Variants in TLL2 observed in about 807,000 individuals in gnomAD.
The protein encoded by TLL2 is tolloid like 2.
In TLL2, 106 loss-of-function variants were observed where a neutral mutation model predicts 123.0. That is an observed-to-expected ratio of 0.86 (90% confidence interval 0.74 to 1.01). The LOEUF (loss-of-function observed/expected upper bound fraction) is 1.01. TLL2 is among the 50% of genes least tolerant of loss of function. The pLI is 0.00. For synonymous variants in TLL2, 494 were observed against 516.8 expected, an observed-to-expected ratio of 0.96 and a Z score of 0.60; for missense variants, 1,332 against 1,336.7, an observed-to-expected ratio of 1.00 and a Z score of 0.06.
chr10:96,433,753 T>C (rs2134081549), intron 3 of TLL2, among the ~76,000 whole-genome samples: 1 of 152,298 alleles, frequency 6.6e-6, no homozygotes, highest in Middle Eastern at 3.4e-3. Context: ...TCAGGTTTTG[T>C]TTTTGCAGAC....
At chr10:96,410,267 G>C in intron 9 of TLL2, 92 bp downstream of exon 9, 2 of 889,996 alleles carry the variant, frequency 2.2e-6, no homozygotes, top group South Asian at 3.2e-5. Context: ...TAACCGAACA[G>C]CTGTTATTTT....
chr10:96,437,322 G>T (rs1230684539), intron 3 of TLL2, among the ~76,000 whole-genome samples: 1 of 152,010 alleles, frequency 6.6e-6, no homozygotes, highest in Non-Finnish European at 1.5e-5. Flanking sequence ...GTAACATTTT[G>T]CAAAACTACA....
intron 10 of TLL2, among the ~76,000 whole-genome samples, chr10:96,404,119 C>T (rs996290674): frequency 5.9e-5 from 9 of 151,902 alleles, no homozygotes; most frequent in East Asian, 1.9e-4. Context: ...AGACCGGTGC[C>T]GATGCAGGTC....
chr10:96,398,091 G>T (rs1157666771), intron 10 of TLL2, among the ~76,000 whole-genome samples: 1 of 152,142 alleles, frequency 6.6e-6, no homozygotes, highest in African/African-American at 2.4e-5. Flanking sequence ...CAGACATTTG[G>T]CCCTGAGACA....
Position 96,477,807 on chromosome 10 carries a change from A to C in TLL2, c.286+2542T>G, listed in dbSNP as rs554082035. Among the ~76,000 whole-genome samples the C allele has an allele frequency of 3.9e-5, 6 of 152,200 alleles. No individual in the cohort carries two copies. In the South Asian group the frequency reaches 1.2e-3, roughly 32 times the overall value. On this transcript the variant is annotated intron_variant, in intron 2 of 20. Transcript: ENST00000357947. ...CACTCTCACCACCCTTCTGGGAGCAAAGCCCTGCTGAGGCTCTGGATCTCT... is the reference window on the plus strand; with the variant it reads ...CACTCTCACCACCCTTCTGGGAGCACAGCCCTGCTGAGGCTCTGGATCTCT...
In TLL2 at chr10:96,502,325, C is replaced by T. The variant is rs138823761; in HGVS notation, c.175+11186G>A. ...TCCTAAGCAGGTCTGATCTTGCAAA[C>T]GTGATCACACATGAGTTTGAGAAAG... On this transcript the variant is annotated intron_variant, in intron 1 of 20. Coordinates refer to ENST00000357947, the MANE Select transcript of TLL2 (RefSeq NM_012465.4). Among the ~76,000 whole-genome samples the T allele has an allele frequency of 8.6e-3, 1,312 of 152,274 alleles. 6 individuals are homozygous for T. The highest frequency in any genetic ancestry group is 0.015 in the Non-Finnish European group (999 of 68,032).
In TLL2 at chr10:96,408,749, G is replaced by A. The variant is rs138455656; in HGVS notation, c.1164+1610C>T. Among the ~76,000 whole-genome samples the A allele has an allele frequency of 7.2e-5, 11 of 152,284 alleles. No homozygotes were observed. In the East Asian group the frequency reaches 1.7e-3, roughly 24 times the overall value. ...CATTCATGTATGTATATAAATGCACGTTAAAATGTCTATCTACTAGCCTGG... is the reference window on the plus strand; with the variant it reads ...CATTCATGTATGTATATAAATGCACATTAAAATGTCTATCTACTAGCCTGG... On this transcript the variant is annotated intron_variant, in intron 9 of 20. Transcript: ENST00000357947.
At chr10:96,394,949 T>C (rs1283940125) in intron 13 of TLL2, among the ~76,000 whole-genome samples, 1 of 152,254 alleles carries the variant, frequency 6.6e-6, no homozygotes. Flanking sequence ...TGTAAACTTA[T>C]TAGATCTAAT....
intron 2 of TLL2, among the ~76,000 whole-genome samples, chr10:96,468,093 A>G (rs1284824254): frequency 1.3e-5 from 2 of 152,138 alleles, no homozygotes; most frequent in Non-Finnish European, 2.9e-5. Context: ...TCACTCGCCC[A>G]TCACCTCCCC....
chr10:96,407,932 CTG>C (rs1440867343), intron 9 of TLL2, among the ~76,000 whole-genome samples: 2 of 152,218 alleles, frequency 1.3e-5, no homozygotes, highest in Non-Finnish European at 1.5e-5. Flanking sequence ...TCAAACTAGA[CTG>C]TGTTTTTCGA....
At position 96,488,294 on chromosome 10, in the gene TLL2, C is replaced by T. The variant is rs190509651; in HGVS notation, c.176-7835G>A. On this transcript the variant is annotated intron_variant, in intron 1 of 20. Coordinates refer to ENST00000357947, the MANE Select transcript of TLL2 (RefSeq NM_012465.4). ...ATCCCTTTGGGAGGCACTGACTTAG[C>T]GCTTGCGTGCCCAGCCCAGGGCAGC... 2.0e-3 allele frequency among the ~76,000 whole-genome samples: 307 copies of T among 152,330 alleles called. 2 individuals are homozygous for T. The highest frequency in any genetic ancestry group is 0.014 in the Middle Eastern group (4 of 294).
At chr10:96,484,719 A>G (rs1847341805) in intron 1 of TLL2, among the ~76,000 whole-genome samples, 1 of 152,154 alleles carries the variant, frequency 6.6e-6, no homozygotes, top group Non-Finnish European at 1.5e-5. Flanking sequence ...TTATGGAGCA[A>G]TGAAGAACCA....
At chr10:96,379,559 TG>T (rs1300571962) in intron 16 of TLL2, among the ~76,000 whole-genome samples, 1 of 152,166 alleles carries the variant, frequency 6.6e-6, no homozygotes, top group East Asian at 1.9e-4. Context: ...TGGTGGCTCA[TG>T]CCTGTAATCC....
At chr10:96,467,452 C>G (rs1341962423) in intron 2 of TLL2, among the ~76,000 whole-genome samples, 1 of 152,110 alleles carries the variant, frequency 6.6e-6, no homozygotes. Flanking sequence ...AGGCTGGTCT[C>G]AAACTCCTGG....
Position 96,460,261 on chromosome 10 carries a change from T to G in TLL2, c.287-14093A>C, listed in dbSNP as rs181022555. Among the ~76,000 whole-genome samples, 12 of 152,278 alleles carry G rather than the reference T, an allele frequency of 7.9e-5. No individual in the cohort carries two copies. In the East Asian group the frequency reaches 1.9e-3, roughly 24 times the overall value. On this transcript the variant is annotated intron_variant, in intron 2 of 20. Coordinates refer to ENST00000357947, the MANE Select transcript of TLL2 (RefSeq NM_012465.4). The stretch of plus-strand genomic sequence containing the variant: ...CAATAGACGTATGGAGAGGGGAAAT[T>G]GGCAAACACTTCACAGAAGAAATTC...
intron 1 of TLL2, among the ~76,000 whole-genome samples, chr10:96,503,339 T>A (rs1379197330): frequency 6.6e-6 from 1 of 152,160 alleles, no homozygotes; most frequent in Non-Finnish European, 1.5e-5. Context: ...TGCTAAACAC[T>A]TCGTGTTCAC....
chr10:96,463,666 G>A (rs904418619), intron 2 of TLL2, among the ~76,000 whole-genome samples: 3 of 152,330 alleles, frequency 2.0e-5, no homozygotes, highest in Admixed American at 1.3e-4. Flanking sequence ...GCTGTGACAA[G>A]GGCATGCTGG....
intron 16 of TLL2, among the ~76,000 whole-genome samples, chr10:96,380,978 CAAAA>C (rs758416966): frequency 2.9e-5 from 3 of 102,548 alleles, no homozygotes; most frequent in East Asian, 2.6e-4. Flanking sequence ...ACTCTGTCTC[CAAAA>C]AAAAAAAAAA....
At chr10:96,476,245 A>AT (rs1554939643) in intron 2 of TLL2, among the ~76,000 whole-genome samples, 1 of 53,902 alleles carries the variant, frequency 1.9e-5, no homozygotes, top group African/African-American at 7.0e-5. Context: ...TATATATTTT[A>AT]TTTTTGTTGT....
Sources: allele counts gnomAD v4.1 joint callset (sites outside exome capture counted in the v4.1 genomes callset), GRCh38; gene constraint gnomAD v4.1.1; transcripts MANE v1.5; gene names NCBI Gene and HGNC (gene_info 2026-07-23, HGNC 2026-07-21).